The following UTRN variants were observed in gnomAD, a reference collection of about 807,000 sequenced individuals.
UTRN encodes the protein utrophin.
A neutral mutation model predicts 463.9 loss-of-function variants in UTRN; 283 were observed. The observed-to-expected ratio is 0.61, with a 90% confidence interval of 0.55 to 0.67. UTRN has a LOEUF of 0.67. Ranked by LOEUF, UTRN falls within the 30% of genes least tolerant of loss-of-function variation. The pLI is 0.00. For synonymous variants in UTRN, 1,442 were observed against 1,431.5 expected, an observed-to-expected ratio of 1.01 and a Z score of -0.17; for missense variants, 3,922 against 4,084.3, an observed-to-expected ratio of 0.96 and a Z score of 1.08.
chr6:144,608,807 A>G (rs766630102), intron 51 of UTRN, among the ~76,000 whole-genome samples: 1 of 152,136 alleles, frequency 6.6e-6, no homozygotes, highest in African/African-American at 2.4e-5. Flanking sequence ...GCTGGCTGCA[A>G]TTTGTTTGGG....
chr6:144,319,201 A>T (rs536488851), intron 2 of UTRN, among the ~76,000 whole-genome samples: 1 of 150,754 alleles, frequency 6.6e-6, no homozygotes, highest in African/African-American at 2.4e-5. Context: ...CATGAATTTT[A>T]CTCTTTTAAT....
In UTRN at chr6:144,754,715, T is replaced by C; in HGVS notation, c.8356-5T>C. 2 of 1,613,330 alleles carry C rather than the reference T, an allele frequency of 1.2e-6. No individual in the cohort carries two copies. The highest frequency in any genetic ancestry group is 1.7e-6 in the Non-Finnish European group (2 of 1,179,604). The stretch of plus-strand genomic sequence containing the variant: ...TTCCTCTGACTTGCATGTGTATGTG[T>C]GCAGGTTTCTGTGGATGATCGCCTT... On this transcript the variant is annotated splice_polypyrimidine_tract_variant and splice_region_variant and intron_variant, in intron 56 of 74. Coordinates refer to ENST00000367545, the MANE Select transcript of UTRN (RefSeq NM_007124.3).
chr6:144,448,847 A>G (rs1388754084), intron 17 of UTRN, 78 bp downstream of exon 17: 1 of 1,462,788 alleles, frequency 6.8e-7, no homozygotes, highest in Admixed American at 2.1e-5. Context: ...TTTTGTACTA[A>G]TCATTAATCA....
intron 61 of UTRN, among the ~76,000 whole-genome samples, chr6:144,784,161 G>A (rs1309262949): frequency 6.6e-6 from 1 of 152,144 alleles, no homozygotes; most frequent in Non-Finnish European, 1.5e-5. Flanking sequence ...ATATGGTAGA[G>A]GTATACATCT....
intron 34 of UTRN, among the ~76,000 whole-genome samples, chr6:144,505,378 A>G (rs535517158): frequency 6.6e-6 from 1 of 151,892 alleles, no homozygotes; most frequent in Non-Finnish European, 1.5e-5. Context: ...CTGCTTTCTC[A>G]TGTGGGCAGT....
intron 16 of UTRN, 97 bp downstream of exon 16, chr6:144,447,878 G>A: frequency 7.6e-7 from 1 of 1,322,802 alleles, no homozygotes; most frequent in Non-Finnish European, 1.0e-6. Flanking sequence ...AAACTAAAAA[G>A]TTGTTTCCTT....
Position 144,345,076 on chromosome 6 carries a change from A to AT in UTRN, c.79+53169_79+53170insT, listed in dbSNP as rs1285533758. On this transcript the variant is annotated intron_variant, in intron 2 of 74. Transcript: ENST00000367545. ...GCATGAATGTTGTCACTATGAAAAA[A>AT]CTTTGAGACTGGTTGGTTTTCTTTT... 2.2e-4 allele frequency among the ~76,000 whole-genome samples: 34 copies of AT among 152,192 alleles called. No individual in the cohort carries two copies. In the South Asian group the frequency reaches 2.5e-3, roughly 11 times the overall value.
At chr6:144,373,095 G>C (rs1780147267) in intron 2 of UTRN, among the ~76,000 whole-genome samples, 1 of 152,112 alleles carries the variant, frequency 6.6e-6, no homozygotes. Context: ...AGCAGTTTTG[G>C]AAAATATTTT....
chr6:144,355,917 G>T (rs1256462458), intron 2 of UTRN, among the ~76,000 whole-genome samples: 2 of 152,108 alleles, frequency 1.3e-5, no homozygotes, highest in African/African-American at 4.8e-5. Flanking sequence ...ACCAAATTTT[G>T]AATTAGAAAT....
intron 51 of UTRN, among the ~76,000 whole-genome samples, chr6:144,586,985 G>A (rs1206056625): frequency 2.0e-5 from 3 of 152,124 alleles, no homozygotes. Context: ...TAAACATCTA[G>A]CTGTATATAG....
chr6:144,423,509 G>A lies in UTRN; in HGVS notation c.235-40G>A, dbSNP rs369618760. The A allele has an allele frequency of 7.5e-6, 12 of 1,593,866 alleles. No individual in the cohort carries two copies. In the African/African-American group the frequency reaches 1.2e-4, roughly 16 times the overall value. On this transcript the variant is annotated intron_variant, in intron 4 of 74. Coordinates refer to ENST00000367545, the MANE Select transcript of UTRN (RefSeq NM_007124.3). ...GCTAGTGTTAGTCAGGCATATGGAG[G>A]GACAATCAGTTTTACTTGCTTTTTT...
chr6:144,597,169 C>T (rs1049870223), intron 51 of UTRN, among the ~76,000 whole-genome samples: 3 of 146,768 alleles, frequency 2.0e-5, no homozygotes, highest in Admixed American at 7.2e-5. Context: ...ACCTGGGAGG[C>T]GAAGGTTGCA....
At chr6:144,304,389 T>A (rs2114540435) in intron 2 of UTRN, among the ~76,000 whole-genome samples, 1 of 152,316 alleles carries the variant, frequency 6.6e-6, no homozygotes, top group Middle Eastern at 3.4e-3. Flanking sequence ...GATTGGCGCA[T>A]GGTGAATAAG....
intron 46 of UTRN, among the ~76,000 whole-genome samples, chr6:144,546,637 CAAA>C (rs1798431488): frequency 6.6e-6 from 1 of 151,700 alleles, no homozygotes; most frequent in Non-Finnish European, 1.5e-5. Context: ...CCTGTCTCTA[CAAA>C]AAATTAAAAA....
At chr6:144,690,088 T>TG (rs1783199629) in intron 52 of UTRN, among the ~76,000 whole-genome samples, 5 of 55,220 alleles carry the variant, frequency 9.1e-5, no homozygotes, top group African/African-American at 4.2e-4. Context: ...TTTTTTTTTT[T>TG]TTTTTTTTGT....
At position 144,659,201 on chromosome 6, in the gene UTRN, G is replaced by A. The variant is rs571460491; in HGVS notation, c.7480-19205G>A. 2.0e-3 allele frequency among the ~76,000 whole-genome samples: 298 copies of A among 152,316 alleles called. 2 individuals are homozygous for A. The highest frequency in any genetic ancestry group is 2.6e-3 in the Non-Finnish European group (176 of 68,030). ...AACATGGAACCTGTGATCCATTCAA[G>A]ATTGAGACAATGTAAAAGATAGAGA... On this transcript the variant is annotated intron_variant, in intron 51 of 74. Coordinates refer to ENST00000367545, the MANE Select transcript of UTRN (RefSeq NM_007124.3).
intron 51 of UTRN, among the ~76,000 whole-genome samples, chr6:144,580,489 G>A (rs1021670917): frequency 2.6e-5 from 4 of 152,192 alleles, no homozygotes; most frequent in Non-Finnish European, 4.4e-5. Flanking sequence ...GCACATGGAA[G>A]ATGATTAACT....
intron 45 of UTRN, among the ~76,000 whole-genome samples, chr6:144,541,256 A>G (rs1270412323): frequency 1.2e-4 from 18 of 151,956 alleles, no homozygotes; most frequent in Non-Finnish European, 1.6e-4. Context: ...TCTCTCCTAC[A>G]ATATCCACTG....
chr6:144,752,614 A>T (rs1292870975), intron 56 of UTRN, among the ~76,000 whole-genome samples: 1 of 152,226 alleles, frequency 6.6e-6, no homozygotes, highest in African/African-American at 2.4e-5. Context: ...ATTAGTGTAC[A>T]ATATTTTACA....
Sources: gnomAD v4.1 joint callset for allele counts (sites outside exome capture counted in the v4.1 genomes callset) on GRCh38, gnomAD v4.1.1 for gene constraint, MANE v1.5 for transcripts, NCBI Gene and HGNC (gene_info 2026-07-23, HGNC 2026-07-21) for gene names.